The following TANGO6 variants were observed in gnomAD, a reference collection of about 807,000 sequenced individuals.
TANGO6 encodes the protein transport and golgi organization 6 homolog, also known as transport and Golgi organization protein 6 homolog.
In TANGO6, 90 loss-of-function variants were observed where a neutral mutation model predicts 114.2. The ratio of observed to expected loss-of-function variants is 0.79; its 90% CI spans 0.66 to 0.94. The LOEUF is 0.94. Among genes scored for constraint, TANGO6 ranks in the 40% least tolerant of loss-of-function variants. The probability of loss-of-function intolerance (pLI) is 0.00; values close to 1 mark genes in which losing one functional copy is unlikely to be tolerated. For synonymous variants in TANGO6, 477 were observed against 509.8 expected (o/e 0.94, Z 0.87); for missense variants, 1,274 against 1,315.3 (o/e 0.97, Z 0.49).
Position 68,919,095 on chromosome 16 carries a change from T to C in TANGO6, c.2003T>C (p.Phe668Ser), listed in dbSNP as rs764180890. Residue 668 changes from phenylalanine (F) to serine (S), a missense_variant, in exon 12 of 18, where the codon TTT (phenylalanine) becomes TCT (serine). This residue lies in a region of TANGO6 where 908 missense variants were observed against 910.2 expected (regional missense o/e 1.00). Coordinates refer to ENST00000261778, the MANE Select transcript of TANGO6 (RefSeq NM_024562.2). ...CCCTTTTTTGGGTAGGTGGTGGACT[T>C]TGTAGCAGCAACATTGCAGAGAGCC... Reference protein sequence around the residue: ...IFTNVTQVVDFVAATLQRACA... With the variant: ...IFTNVTQVVDSVAATLQRACA... 1 of 1,612,976 alleles carries C rather than the reference T, an allele frequency of 6.2e-7. No individual in the cohort carries two copies. Among genetic ancestry groups the C allele is most frequent in the Non-Finnish European group, 8.5e-7 (1 of 1,179,460 alleles).
intron 15 of TANGO6, among the ~76,000 whole-genome samples, chr16:69,013,535 T>C (rs1169404985): frequency 3.3e-5 from 5 of 150,582 alleles, no homozygotes; most frequent in Admixed American, 6.7e-5. Context: ...AAGAATCACT[T>C]GAACCTGGGA....
chr16:68,873,508 T>G (rs1277025848), intron 4 of TANGO6, among the ~76,000 whole-genome samples: 4 of 148,198 alleles, frequency 2.7e-5, no homozygotes, highest in Non-Finnish European at 4.5e-5. Context: ...GAGACGGGGT[T>G]TCACCATGTA....
intron 1 of TANGO6, among the ~76,000 whole-genome samples, chr16:68,844,576 T>C (rs1449847395): frequency 6.6e-6 from 1 of 152,150 alleles, no homozygotes; most frequent in East Asian, 1.9e-4. Flanking sequence ...GGGGATCACC[T>C]CCCAGTCTCA....
At chr16:69,055,882 C>A (rs1211385135) in intron 17 of TANGO6, among the ~76,000 whole-genome samples, 1 of 151,952 alleles carries the variant, frequency 6.6e-6, no homozygotes. Flanking sequence ...ACTGAAAATA[C>A]CAAAAAATTA....
chr16:68,863,460 A>G (rs1359600696), intron 3 of TANGO6, among the ~76,000 whole-genome samples: 1 of 152,110 alleles, frequency 6.6e-6, no homozygotes, highest in African/African-American at 2.4e-5. Context: ...CAAAAAAACA[A>G]TTAGCTGGGT....
intron 1 of TANGO6, among the ~76,000 whole-genome samples, chr16:68,847,349 C>G (rs1283496168): frequency 6.6e-6 from 1 of 152,014 alleles, no homozygotes; most frequent in African/African-American, 2.4e-5. Flanking sequence ...CTTGGGAACC[C>G]CCGGCAAGCC....
chr16:69,067,199 CA>C (rs911352370), intron 17 of TANGO6, among the ~76,000 whole-genome samples: 2 of 151,922 alleles, frequency 1.3e-5, no homozygotes, highest in African/African-American at 2.4e-5. Context: ...GCCTGGCCTA[CA>C]AAAAAAATTT....
chr16:69,008,002 G>A (rs896569623), intron 15 of TANGO6, among the ~76,000 whole-genome samples: 1 of 151,522 alleles, frequency 6.6e-6, no homozygotes, highest in Non-Finnish European at 1.5e-5. Flanking sequence ...TTTCTTTTTT[G>A]TGTTGTAAGA....
intron 1 of TANGO6, among the ~76,000 whole-genome samples, chr16:68,859,034 A>G (rs1272831571): frequency 6.6e-6 from 1 of 152,172 alleles, no homozygotes; most frequent in Non-Finnish European, 1.5e-5. Context: ...TAGGAAATAG[A>G]TATCTGTTGA....
intron 17 of TANGO6, among the ~76,000 whole-genome samples, chr16:69,063,601 G>C (rs1232979706): frequency 8.1e-6 from 1 of 124,054 alleles, no homozygotes; most frequent in Non-Finnish European, 1.6e-5. Flanking sequence ...CTGGAGAATC[G>C]CTTGAACCTG....
rs189558255 is a variant in TANGO6, at chr16:68,880,444, T to C, written c.1295-104T>C. ...GATAACCATTTTCTGATCTTAGGTG[T>C]TACTTACTGAGCCATCTTTCTAGTA... On this transcript the variant is annotated intron_variant, in intron 6 of 17. Coordinates refer to ENST00000261778, the MANE Select transcript of TANGO6 (RefSeq NM_024562.2). 230 of 677,634 alleles carry C rather than the reference T, an allele frequency of 3.4e-4. 1 individual carries two copies. The highest frequency in any genetic ancestry group is 6.2e-4 in the Middle Eastern group (2 of 3,214). The allele number at this position is 677,634 out of a possible 1,614,324, so 42.0% of individuals were successfully genotyped here. A position where few individuals can be genotyped will look rare whatever the true frequency, so the allele number is the denominator to read the frequency against.
chr16:68,942,255 G>C (rs1439397844), intron 14 of TANGO6, among the ~76,000 whole-genome samples: 3 of 151,880 alleles, frequency 2.0e-5, no homozygotes. Context: ...CCGGGAGGCA[G>C]AGGTTGCATT....
chr16:68,886,710 C>T lies in TANGO6; in HGVS notation c.1377+6080C>T, dbSNP rs562980359. Reference sequence around the variant, plus strand: ...TATTTTAGTAGAGACGGGGTTTCACCATGTTGACCAGGCTGGTCTTGAACT... The same window carrying T: ...TATTTTAGTAGAGACGGGGTTTCACTATGTTGACCAGGCTGGTCTTGAACT... On this transcript the variant is annotated intron_variant, in intron 7 of 17. Coordinates refer to ENST00000261778, the MANE Select transcript of TANGO6 (RefSeq NM_024562.2). Among the ~76,000 whole-genome samples the T allele has an allele frequency of 2.0e-5, 3 of 151,958 alleles. No homozygotes were observed. In the South Asian group the frequency reaches 6.2e-4, roughly 32 times the overall value.
At chr16:68,846,431 G>A (rs1265692255) in intron 1 of TANGO6, 4 of 279,118 alleles carry the variant, frequency 1.4e-5, no homozygotes, top group African/African-American at 4.7e-5. Context: ...ACATAGATAT[G>A]TAACTGGAAA....
chr16:69,039,064 A>T (rs1421331923), intron 16 of TANGO6, among the ~76,000 whole-genome samples: 1 of 152,178 alleles, frequency 6.6e-6, no homozygotes, highest in Admixed American at 6.6e-5. Context: ...GGATGCCTGT[A>T]GTCCCAGCTA....
intron 15 of TANGO6, among the ~76,000 whole-genome samples, chr16:69,008,456 A>C (rs914339148): frequency 2.0e-5 from 3 of 152,162 alleles, no homozygotes; most frequent in Non-Finnish European, 4.4e-5. Flanking sequence ...CATCACTCCC[A>C]GGCTGGTCTT....
chr16:68,982,629 C>CATTTTTTTTTTT (rs1567553024), intron 15 of TANGO6, among the ~76,000 whole-genome samples: 8 of 120,538 alleles, frequency 6.6e-5, no homozygotes, highest in African/African-American at 3.2e-4. Flanking sequence ...CATGCCCTGG[C>CATTTTTTTTTTT]CTTTTTTTTT....
chr16:68,879,663 C>A (rs1472531331), intron 6 of TANGO6, among the ~76,000 whole-genome samples: 5 of 149,454 alleles, frequency 3.3e-5, no homozygotes, highest in Admixed American at 2.7e-4. Context: ...GTCACCCAGG[C>A]TGGAGTGCAG....
At chr16:68,930,366 T>A in intron 14 of TANGO6, 71 bp downstream of exon 14, 1 of 1,343,482 alleles carries the variant, frequency 7.4e-7, no homozygotes, top group Admixed American at 2.0e-5. Context: ...TTGCACAAAA[T>A]CTCTAAAGTC....
Sources: gnomAD v4.1 joint callset for allele counts (sites outside exome capture counted in the v4.1 genomes callset) on GRCh38, gnomAD v4.1.1 for gene constraint, gnomAD v4.1.1 regional missense constraint, MANE v1.5 for transcripts, NCBI Gene and HGNC (gene_info 2026-07-23, HGNC 2026-07-21) for gene names.